The following SSH2 variants were observed in gnomAD, a reference collection of about 807,000 sequenced individuals.
The protein encoded by SSH2 is slingshot protein phosphatase 2.
In SSH2, 37 loss-of-function variants were observed where a neutral mutation model predicts 135.2. That is an observed-to-expected ratio of 0.27 (90% confidence interval 0.21 to 0.36). The LOEUF (loss-of-function observed/expected upper bound fraction) is 0.36, where lower values mean the gene tolerates loss of function less well. Among genes scored for constraint, SSH2 ranks in the 10% least tolerant of loss-of-function variants. The pLI, the probability that SSH2 is intolerant of heterozygous loss-of-function variation, is 1.00. For missense variants in SSH2, 1,408 were observed against 1,765.3 expected (o/e 0.80, Z 3.63); for synonymous variants, 628 against 646.2 (o/e 0.97, Z 0.43).
At chr17:29,873,066 A>G (rs1035029965) in intron 1 of SSH2, among the ~76,000 whole-genome samples, 1 of 152,156 alleles carries the variant, frequency 6.6e-6, no homozygotes, top group African/African-American at 2.4e-5. Flanking sequence ...TCATGTTAGA[A>G]AGAATAATTT....
rs374268117 is a variant in SSH2, at chr17:29,684,703, C to T, written c.358-19G>A. 5.0e-6 allele frequency: 8 copies of T among 1,600,434 alleles called. No individual in the cohort carries two copies. The African/African-American group carries it at 8.1e-5, about 16-fold the overall frequency. On this transcript the variant is annotated intron_variant, in intron 5 of 15. Transcript: ENST00000540801. ...TTACAGCCTGGAATTTAGCAGACAA[C>T]AGAGAAATTATGAAATTTAGGACAT...
At chr17:29,901,240 G>A (rs2066547370) in intron 1 of SSH2, among the ~76,000 whole-genome samples, 1 of 151,874 alleles carries the variant, frequency 6.6e-6, no homozygotes, top group African/African-American at 2.4e-5. Flanking sequence ...TAACAAACCT[G>A]CACGTTGTGC....
At chr17:29,687,581 C>G (rs1008394036) in intron 5 of SSH2, among the ~76,000 whole-genome samples, 1 of 152,082 alleles carries the variant, frequency 6.6e-6, no homozygotes, top group Admixed American at 6.6e-5. Flanking sequence ...TGTGGCAGAC[C>G]GGGAGGCAGT....
intron 4 of SSH2, among the ~76,000 whole-genome samples, chr17:29,701,762 C>T (rs1277500469): frequency 2.0e-5 from 3 of 149,546 alleles, no homozygotes; most frequent in Admixed American, 6.7e-5. Flanking sequence ...GTAGAGACAG[C>T]GTTTCACCAT....
intron 3 of SSH2, among the ~76,000 whole-genome samples, chr17:29,731,642 G>C (rs982114077): frequency 2.6e-5 from 4 of 152,058 alleles, no homozygotes; most frequent in Admixed American, 6.6e-5. Flanking sequence ...TTTTAGTAGA[G>C]ATGGGGTTTC....
At chr17:29,671,462 A>G (rs1478356629) in intron 9 of SSH2, among the ~76,000 whole-genome samples, 4 of 152,180 alleles carry the variant, frequency 2.6e-5, no homozygotes, top group Admixed American at 6.5e-5. Flanking sequence ...AGCCTGGGTG[A>G]CAGAGTGAGA....
chr17:29,775,572 A>C (rs1379817871), intron 3 of SSH2, among the ~76,000 whole-genome samples: 1 of 152,204 alleles, frequency 6.6e-6, no homozygotes, highest in Non-Finnish European at 1.5e-5. Flanking sequence ...TTTTGAGGAT[A>C]TATAGCTGTC....
chr17:29,818,890 C>T (rs946800029), intron 2 of SSH2, among the ~76,000 whole-genome samples: 6 of 151,544 alleles, frequency 4.0e-5, no homozygotes, highest in Non-Finnish European at 8.8e-5. Flanking sequence ...GAGTTCGAGA[C>T]CACATCTCTA....
At chr17:29,923,874 C>T (rs1466274873) in intron 1 of SSH2, among the ~76,000 whole-genome samples, 1 of 152,114 alleles carries the variant, frequency 6.6e-6, no homozygotes, top group Non-Finnish European at 1.5e-5. Flanking sequence ...CCACTACACT[C>T]CAGTCTGGGC....
intron 2 of SSH2, among the ~76,000 whole-genome samples, chr17:29,826,437 T>C (rs2042745668): frequency 6.6e-6 from 1 of 152,176 alleles, no homozygotes; most frequent in African/African-American, 2.4e-5. Context: ...ACTACAATCA[T>C]AGATAAGGAT....
chr17:29,768,455 C>T (rs1016841276), intron 3 of SSH2, among the ~76,000 whole-genome samples: 22 of 151,878 alleles, frequency 1.4e-4, no homozygotes, highest in Non-Finnish European at 2.9e-4. Context: ...CCACACCTGT[C>T]GAGACGAAGT....
At chr17:29,885,804 G>T (rs1293461730) in intron 1 of SSH2, among the ~76,000 whole-genome samples, 4 of 152,090 alleles carry the variant, frequency 2.6e-5, no homozygotes, top group Non-Finnish European at 4.4e-5. Context: ...TTATAAAGTG[G>T]ATTTCCCCTG....
intron 1 of SSH2, among the ~76,000 whole-genome samples, chr17:29,926,936 G>A (rs2067078980): frequency 6.6e-6 from 1 of 152,140 alleles, no homozygotes; most frequent in African/African-American, 2.4e-5. Flanking sequence ...AGGAAAAGAT[G>A]GCAGATTCTA....
intron 1 of SSH2, among the ~76,000 whole-genome samples, chr17:29,920,332 C>T (rs1287736933): frequency 6.6e-6 from 1 of 152,212 alleles, no homozygotes; most frequent in Non-Finnish European, 1.5e-5. Context: ...CCTGAAGATA[C>T]TTTTTGAGGA....
chr17:29,721,659 G>C (rs2039827032), intron 3 of SSH2, among the ~76,000 whole-genome samples: 1 of 152,162 alleles, frequency 6.6e-6, no homozygotes, highest in African/African-American at 2.4e-5. Flanking sequence ...CTGAAAGGAA[G>C]GTGGCTGAAG....
intron 1 of SSH2, among the ~76,000 whole-genome samples, chr17:29,904,188 C>T (rs950561622): frequency 6.6e-6 from 1 of 152,056 alleles, no homozygotes; most frequent in African/African-American, 2.4e-5. Flanking sequence ...ACCTGGCAGA[C>T]ATACAACAAA....
intron 1 of SSH2, among the ~76,000 whole-genome samples, chr17:29,888,785 A>G (rs1437540284): frequency 1.3e-5 from 2 of 150,370 alleles, no homozygotes; most frequent in Admixed American, 1.3e-4. Context: ...AACTTAAAAA[A>G]AAAAAAAAAG....
chr17:29,877,943 G>A (rs1328396466), intron 1 of SSH2, among the ~76,000 whole-genome samples: 2 of 152,036 alleles, frequency 1.3e-5, no homozygotes, highest in Non-Finnish European at 2.9e-5. Context: ...AAATTAGCCA[G>A]GCATGGTGGC....
intron 3 of SSH2, among the ~76,000 whole-genome samples, chr17:29,778,878 G>C (rs1447621997): frequency 7.1e-6 from 1 of 140,148 alleles, no homozygotes; most frequent in Non-Finnish European, 1.5e-5. Context: ...AAGTCATGTA[G>C]CCAAGAGGAT....
Sources: gnomAD v4.1 joint callset for allele counts (sites outside exome capture counted in the v4.1 genomes callset) on GRCh38, gnomAD v4.1.1 for gene constraint, MANE v1.5 for transcripts, NCBI Gene and HGNC (gene_info 2026-07-23, HGNC 2026-07-21) for gene names.